PMF1: variants seen among roughly 807,000 people sequenced by gnomAD.
The protein encoded by PMF1 is polyamine-modulated factor 1.
In PMF1, 21 loss-of-function variants were observed where a neutral mutation model predicts 26.7. The ratio of observed to expected loss-of-function variants is 0.79; its 90% CI spans 0.56 to 1.13. PMF1 has a LOEUF of 1.13. Ranked by LOEUF, PMF1 falls within the 50% of genes most tolerant of loss-of-function variation. The pLI is 0.00. For missense variants in PMF1, 266 were observed against 254.9 expected (o/e 1.04, Z -0.30); for synonymous variants, 105 against 101.0 (o/e 1.04, Z -0.24).
rs767691638 is a variant in PMF1, at chr1:156,213,149, T to C, written c.134T>C (p.Phe45Ser). The change falls in exon 1 of 5, where the codon TTT becomes TCT. Residue 45 changes from phenylalanine to serine, a missense_variant. Transcript: ENST00000368277. ...CTCCTCGACACCATGGTGGACACTT[T>C]TCTTCAGAAGCTGGTCGCCGCCGGC... Reference protein sequence around the residue: ...VKLLDTMVDTFLQKLVAAGSY... With the variant: ...VKLLDTMVDTSLQKLVAAGSY... 1 of 1,613,902 alleles carries C rather than the reference T, an allele frequency of 6.2e-7. No homozygotes were observed. The highest frequency in any genetic ancestry group is 2.2e-5 in the East Asian group (1 of 44,872).
At chr1:156,233,440 G>A (rs1481117762) in intron 2 of PMF1, among the ~76,000 whole-genome samples, 188 bp from the exon 3 acceptor site, 2 of 151,862 alleles carry the variant, frequency 1.3e-5, no homozygotes, top group Admixed American at 6.6e-5. Context: ...TTACAGGCGT[G>A]AACCACGACG....
chr1:156,239,337 C>G (rs1659220899), intron 4 of PMF1, among the ~76,000 whole-genome samples: 1 of 152,170 alleles, frequency 6.6e-6, no homozygotes, highest in South Asian at 2.1e-4. Context: ...TAGGTGGTCA[C>G]AGAACCCAGC....
At chr1:156,218,653 G>T (rs375996457) in intron 1 of PMF1, among the ~76,000 whole-genome samples, 3 of 151,746 alleles carry the variant, frequency 2.0e-5, no homozygotes, top group Non-Finnish European at 4.4e-5. Flanking sequence ...ATGGTGGCGC[G>T]CACCTGTAGT....
intron 1 of PMF1, among the ~76,000 whole-genome samples, chr1:156,221,414 A>C (rs764489710): frequency 2.6e-5 from 4 of 152,172 alleles, no homozygotes; most frequent in Non-Finnish European, 5.9e-5. Context: ...ATTTGTCATG[A>C]TAGACACCGG....
rs775423643 is a variant in PMF1 at position 156,213,151 on chromosome 1, C to T, written c.136C>T (p.Leu46Phe). The change falls in exon 1 of 5, where the codon CTT (leucine) becomes TTT (phenylalanine). Residue 46 changes from leucine to phenylalanine, a missense_variant. Leu to Phe is a conservative substitution (Grantham distance 22). Coordinates refer to ENST00000368277, the MANE Select transcript of PMF1 (RefSeq NM_007221.4). ...CCTCGACACCATGGTGGACACTTTT[C>T]TTCAGAAGCTGGTCGCCGCCGGCAG... ...KLLDTMVDTF[L>F]QKLVAAGSYQ... 1.2e-6 allele frequency: 2 copies of T among 1,613,850 alleles called. No homozygotes were observed. The highest frequency in any genetic ancestry group is 1.1e-5 in the South Asian group (1 of 91,080).
intron 1 of PMF1, among the ~76,000 whole-genome samples, chr1:156,225,282 CTTTTTTTTTT>C (rs58481427): frequency 1.1e-4 from 8 of 71,664 alleles, no homozygotes; most frequent in African/African-American, 3.4e-4. Flanking sequence ...CAGTCCTCAG[CTTTTTTTTTT>C]TTTTTTTTTT....
chr1:156,236,442 G>A lies in PMF1; in HGVS notation c.523G>A (p.Glu175Lys), dbSNP rs1659019270. 3 of 1,613,832 alleles carry A rather than the reference G, an allele frequency of 1.9e-6. No individual in the cohort carries two copies. Among genetic ancestry groups the A allele is most frequent in the African/African-American group, 1.3e-5 (1 of 74,928 alleles). ...CCTGGCAGGGCGGAGGCAGGTGGAG[G>A]AGCTGCAGCTACAGGTCCAGGCCCA... ...AVLAGRRQVEELQLQVQAQQQ... is the reference protein window; with the variant it reads ...AVLAGRRQVEKLQLQVQAQQQ... Residue 175 changes from glutamate to lysine, a missense_variant, in exon 4 of 5, where the codon GAG (glutamate) becomes AAG (lysine). Coordinates refer to ENST00000368277, the MANE Select transcript of PMF1 (RefSeq NM_007221.4).
Position 156,239,634 on chromosome 1 carries a change from C to T in PMF1, c.*33C>T. On this transcript the variant is annotated 3_prime_UTR_variant, in exon 5 of 5. Transcript: ENST00000368277. ...GCCAGCCCCAGAAGCAGAGGGCAGTCAAGGTCAAGAGCCTGTGGTCCAGCA... is the reference window on the plus strand; with the variant it reads ...GCCAGCCCCAGAAGCAGAGGGCAGTTAAGGTCAAGAGCCTGTGGTCCAGCA... 1 of 1,594,078 alleles carries T rather than the reference C, an allele frequency of 6.3e-7. No homozygotes were observed. The highest frequency in any genetic ancestry group is 8.6e-7 in the Non-Finnish European group (1 of 1,163,628).
chr1:156,222,879 T>C (rs1479619631), intron 1 of PMF1, among the ~76,000 whole-genome samples: 1 of 152,190 alleles, frequency 6.6e-6, no homozygotes, highest in Non-Finnish European at 1.5e-5. Flanking sequence ...GCCTGGGATA[T>C]GCCGCACAGG....
intron 3 of PMF1, among the ~76,000 whole-genome samples, chr1:156,236,080 C>T (rs1426039095): frequency 6.6e-6 from 1 of 152,104 alleles, no homozygotes; most frequent in African/African-American, 2.4e-5. Context: ...AGAGGTGGAC[C>T]CCTAAGCATT....
chr1:156,228,893 G>C (rs1328660835), intron 1 of PMF1, among the ~76,000 whole-genome samples: 2 of 152,082 alleles, frequency 1.3e-5, no homozygotes, highest in African/African-American at 4.8e-5. Context: ...TCTATTCTGT[G>C]TACAGTATTG....
chr1:156,232,163 C>T (rs116376514), intron 1 of PMF1, among the ~76,000 whole-genome samples, 157 bp from the exon 2 acceptor site: 2,812 of 152,272 alleles, frequency 0.018, 82 homozygotes, highest in African/African-American at 0.06. Context: ...CTCGGTGACT[C>T]GTGCTTAGAT....
At chr1:156,234,633 T>C (rs1658902902) in intron 3 of PMF1, among the ~76,000 whole-genome samples, 1 of 151,804 alleles carries the variant, frequency 6.6e-6, no homozygotes, top group African/African-American at 2.4e-5. Flanking sequence ...CTCAGCCTCT[T>C]GAGTAGCTGG....
intron 3 of PMF1, 91 bp downstream of exon 3, chr1:156,233,819 T>C: frequency 7.8e-7 from 1 of 1,284,304 alleles, no homozygotes; most frequent in African/African-American, 1.5e-5. Context: ...TCTCACTATG[T>C]TGGCCAGGCT....
At chr1:156,225,075 T>C (rs1658283127) in intron 1 of PMF1, among the ~76,000 whole-genome samples, 2 of 151,916 alleles carry the variant, frequency 1.3e-5, no homozygotes, top group Admixed American at 1.3e-4. Flanking sequence ...AATTTTTGTA[T>C]TTTTAGTAGA....
chr1:156,239,404 T>G (rs976913924), intron 4 of PMF1, 144 bp from the exon 5 acceptor site: 8 of 638,706 alleles, frequency 1.3e-5, no homozygotes, highest in Admixed American at 1.2e-4. Flanking sequence ...CATCCTAACA[T>G]GCTCTGCAGG....
Position 156,216,019 on chromosome 1 carries a change from G to A in PMF1, c.161+2843G>A, listed in dbSNP as rs557461114. Among the ~76,000 whole-genome samples the A allele has an allele frequency of 8.5e-5, 13 of 152,230 alleles. No homozygotes were observed. The East Asian group carries it at 2.1e-3, about 25-fold the overall frequency. On this transcript the variant is annotated intron_variant, in intron 1 of 4. Coordinates refer to ENST00000368277, the MANE Select transcript of PMF1 (RefSeq NM_007221.4). Reference sequence around the variant, plus strand: ...TTGTTCTAGTTCTAGTAGGGTTCTAGTTGCTGGAGATAAGGCAGTGATCAA... The same window carrying A: ...TTGTTCTAGTTCTAGTAGGGTTCTAATTGCTGGAGATAAGGCAGTGATCAA...
intron 1 of PMF1, among the ~76,000 whole-genome samples, chr1:156,227,660 C>A (rs1348246711): frequency 6.7e-6 from 1 of 150,236 alleles, no homozygotes; most frequent in Admixed American, 6.6e-5. Context: ...CCATGCCTGG[C>A]TCATTTTTTA....
intron 3 of PMF1, among the ~76,000 whole-genome samples, chr1:156,234,214 C>T (rs568324893): frequency 6.6e-6 from 1 of 152,264 alleles, no homozygotes; most frequent in Non-Finnish European, 1.5e-5. Context: ...ACTGTTGTAC[C>T]GCATAGTTCC....
Sources: allele counts gnomAD v4.1 joint callset (sites outside exome capture counted in the v4.1 genomes callset), GRCh38; gene constraint gnomAD v4.1.1; transcripts MANE v1.5; gene names NCBI Gene and HGNC (gene_info 2026-07-23, HGNC 2026-07-21).